The following ENO3 variants were observed in gnomAD, a reference collection of about 807,000 sequenced individuals.
ENO3 encodes the protein beta-enolase.
In ENO3, 46 loss-of-function variants were observed where a neutral mutation model predicts 47.7. The ratio of observed to expected loss-of-function variants is 0.96; its 90% confidence interval spans 0.76 to 1.23. ENO3 has a LOEUF of 1.23. Ranked by LOEUF, ENO3 falls within the 50% of genes most tolerant of loss-of-function variation. The pLI, the probability that ENO3 is intolerant of heterozygous loss-of-function variation, is 0.00. For synonymous variants in ENO3, 223 were observed against 225.9 expected (o/e 0.99, Z 0.11); for missense variants, 575 against 566.2 (o/e 1.02, Z -0.16).
intron 11 of ENO3, 29 bp downstream of exon 11, chr17:4,956,918 T>C: frequency 1.2e-6 from 2 of 1,614,180 alleles, no homozygotes; most frequent in East Asian, 2.2e-5. Flanking sequence ...GCCTGGGCAT[T>C]GGGGTGCTGG....
chr17:4,955,886 G>A (rs940802565), intron 8 of ENO3, 56 bp from the exon 9 acceptor site: 1 of 1,442,034 alleles, frequency 6.9e-7, no homozygotes, highest in African/African-American at 1.4e-5. Context: ...TCTCTGCCCT[G>A]TCTCTGCCCT....
chr17:4,955,408 C>A lies in ENO3; in HGVS notation c.669C>A (p.Ala223=). The A allele has an allele frequency of 5.0e-6, 8 of 1,614,214 alleles. No individual in the cohort carries two copies. Among genetic ancestry groups the A allele is most frequent in the Non-Finnish European group, 6.8e-6 (8 of 1,180,022 alleles). Reference sequence around the variant, plus strand: ...GGTCCTTTCTTGGTCCTCCCCCAGCCCTGGAGCTGCTGAAGACGGCCATCC... The same window carrying A: ...GGTCCTTTCTTGGTCCTCCCCCAGCACTGGAGCTGCTGAAGACGGCCATCC... ...FAPNILENNE[A]LELLKTAIQA... is the part of the protein sequence containing the mutation. The change falls in exon 8 of 12, where the codon GCC becomes GCA. Residue 223 remains alanine, a splice_region_variant and synonymous_variant. Transcript: ENST00000519602.
At position 4,956,844 on chromosome 17, in the gene ENO3, C is replaced by T. The variant is rs1971753922; in HGVS notation, c.1190C>T (p.Ala397Val). ...GLCTGQIKTG[A>V]PCRSERLAKY... ...TTCCCTCATCAGATCAAGACTGGCG[C>T]CCCCTGCCGCTCGGAGCGTCTGGCC... The change falls in exon 11 of 12, where the codon GCC becomes GTC. Residue 397 changes from alanine to valine, a missense_variant. Coordinates refer to ENST00000519602, the MANE Select transcript of ENO3 (RefSeq NM_053013.4). The T allele has an allele frequency of 1.9e-6, 3 of 1,614,172 alleles. No individual in the cohort carries two copies. Among genetic ancestry groups the T allele is most frequent in the Non-Finnish European group, 2.5e-6 (3 of 1,180,010 alleles).
Position 4,953,038 on chromosome 17 carries a change from C to G in ENO3, c.182-13C>G. 1 of 1,614,224 alleles carries G rather than the reference C, an allele frequency of 6.2e-7. No individual in the cohort carries two copies. Among genetic ancestry groups the G allele is most frequent in the Non-Finnish European group, 8.5e-7 (1 of 1,180,032 alleles). The stretch of plus-strand genomic sequence containing the variant: ...TTGATTGAGCTCCAAAACTCATCCT[C>G]TGGCCTGTCTAGGAGTCCTGAAGGC... On this transcript the variant is annotated splice_polypyrimidine_tract_variant and intron_variant, in intron 3 of 11. Coordinates refer to ENST00000519602, the MANE Select transcript of ENO3 (RefSeq NM_053013.4).
At chr17:4,949,445 A>G (rs1402226319), upstream of ENO3, among the ~76,000 whole-genome samples, 2 of 152,180 alleles carry the variant, frequency 1.3e-5, no homozygotes, top group Non-Finnish European at 2.9e-5. Context: ...GTGTCTGCAG[A>G]GGTCACAGAG....
intron 6 of ENO3, 138 bp from the exon 7 acceptor site, chr17:4,954,937 C>G (rs1260830788): frequency 3.1e-6 from 2 of 648,832 alleles, no homozygotes; most frequent in Non-Finnish European, 5.2e-6. Flanking sequence ...GAAAGAGGCT[C>G]TTGAGCAAAA....
At chr17:4,952,048 C>G in intron 2 of ENO3, 134 bp downstream of exon 2, 1 of 957,808 alleles carries the variant, frequency 1.0e-6, no homozygotes, top group Non-Finnish European at 1.6e-6. Flanking sequence ...CCCCCTTCTT[C>G]CAACGTGGAA....
chr17:4,954,717 A>G (rs1159651553), intron 6 of ENO3, among the ~76,000 whole-genome samples: 3 of 152,164 alleles, frequency 2.0e-5, no homozygotes, highest in East Asian at 3.9e-4. Flanking sequence ...GTTCGAGACC[A>G]GCCTGACCAA....
chr17:4,953,009 C>G (rs1418084579), intron 3 of ENO3, 42 bp from the exon 4 acceptor site: 3 of 1,613,478 alleles, frequency 1.9e-6, no homozygotes, highest in Non-Finnish European at 2.5e-6. Flanking sequence ...AGAAAGGGGC[C>G]CAGTTGATTG....
intron 5 of ENO3, 70 bp downstream of exon 5, chr17:4,953,411 C>T (rs1971614155): frequency 6.3e-7 from 1 of 1,596,674 alleles, no homozygotes; most frequent in Non-Finnish European, 8.6e-7. Flanking sequence ...TGGGGTGAGG[C>T]CTGATGGGTT....
chr17:4,950,062 G>A (rs1214031073), upstream of ENO3: 2 of 151,856 alleles, frequency 1.3e-5, no homozygotes, highest in African/African-American at 2.4e-5. Context: ...AGGCCGCGCG[G>A]GCCGGCGGGG....
In ENO3 at chr17:4,955,253, G is replaced by T. The variant is rs370156864; in HGVS notation, c.623G>T (p.Gly208Val). 3.7e-6 allele frequency: 6 copies of T among 1,614,262 alleles called. No individual in the cohort carries two copies. The change falls in exon 7 of 12, where the codon GGT (glycine) becomes GTT (valine). Residue 208 changes from glycine to valine, a missense_variant. Physicochemically the swap from Gly to Val is moderately radical, Grantham distance 109. Coordinates refer to ENST00000519602, the MANE Select transcript of ENO3 (RefSeq NM_053013.4). The stretch of plus-strand genomic sequence containing the variant: ...TATGGGAAGGATGCCACCAATGTGG[G>T]TGATGAAGGTGGCTTCGCACCCAAC... ...AKYGKDATNV[G>V]DEGGFAPNIL...
intron 8 of ENO3, 121 bp from the exon 9 acceptor site, chr17:4,955,821 T>C: frequency 1.2e-6 from 1 of 864,610 alleles, no homozygotes; most frequent in East Asian, 2.7e-5. Flanking sequence ...CTCTGCCCTG[T>C]CTCTGCTCTG....
chr17:4,951,819 G>C lies in ENO3; in HGVS notation c.-2-9G>C, dbSNP rs1057523818. 1 of 1,613,958 alleles carries C rather than the reference G, an allele frequency of 6.2e-7. No individual in the cohort carries two copies. The highest frequency in any genetic ancestry group is 8.5e-7 in the Non-Finnish European group (1 of 1,179,864). On this transcript the variant is annotated splice_polypyrimidine_tract_variant and intron_variant, in intron 1 of 11. Transcript: ENST00000519602. The stretch of plus-strand genomic sequence containing the variant: ...CTGTCTACACTCACTCACACCTCCT[G>C]TCCTGCAGCCATGGCCATGCAGAAA...
chr17:4,949,611 AGGGCGGGAC>A (rs528614399), upstream of ENO3, among the ~76,000 whole-genome samples: 43 of 121,240 alleles, frequency 3.5e-4, no homozygotes, highest in Admixed American at 2.1e-3. Flanking sequence ...CCACCTGGGG[AGGGCGGGAC>A]GGGCGGGACG....
At chr17:4,951,573 G>A in intron 1 of ENO3, 1 of 488,328 alleles carries the variant, frequency 2.0e-6, no homozygotes, top group South Asian at 2.0e-5. Context: ...GGGGAGGTGG[G>A]GGCTTGGTGA....
rs577389766 is a variant in ENO3, at chr17:4,956,881, A to C, written c.1227A>C (p.Gln409His). 6.2e-7 allele frequency: 1 copy of C among 1,613,704 alleles called. No homozygotes were observed. Among genetic ancestry groups the C allele is most frequent in the African/African-American group, 1.3e-5 (1 of 74,780 alleles). The change falls in exon 11 of 12, where the codon CAA (glutamine) becomes CAC (histidine). Residue 409 changes from glutamine to histidine, a missense_variant. Gln to His is a conservative substitution (Grantham distance 24). Transcript: ENST00000519602. ...CRSERLAKYN[Q>H]LMRIEEALGD... ...CGGAGCGTCTGGCCAAATACAACCA[A>C]CTCATGAGGTACAGCGGGAACAGTG...
At position 4,953,858 on chromosome 17, in the gene ENO3, AC is replaced by A. The variant is rs752031280; in HGVS notation, c.444+16del. 7.4e-6 allele frequency: 12 copies of A among 1,613,732 alleles called. No homozygotes were observed. The highest frequency in any genetic ancestry group is 1.0e-5 in the Non-Finnish European group (12 of 1,179,950). ...ACTCCCAGTGCCAGTGAGTGCAGCT[AC>A]CCGCCCTTCCCAGATCTCGCCTGGA... On this transcript the variant is annotated intron_variant, in intron 6 of 11. Coordinates refer to ENST00000519602, the MANE Select transcript of ENO3 (RefSeq NM_053013.4).
chr17:4,956,576 C>G lies in ENO3; in HGVS notation c.1071C>G (p.Cys357Trp), dbSNP rs751261485. ...ATCAAATGTCCTCTCCACTCAGGTG[C>G]AAACTGGCTCAGTCTAATGGCTGGG... Reference protein sequence around the residue: ...IGSVTESIQACKLAQSNGWGV... With the variant: ...IGSVTESIQAWKLAQSNGWGV... The change falls in exon 10 of 12, where the codon TGC becomes TGG. Residue 357 changes from cysteine to tryptophan, a missense_variant. By Grantham distance (215) the Cys-to-Trp change is radical. Coordinates refer to ENST00000519602, the MANE Select transcript of ENO3 (RefSeq NM_053013.4). The G allele has an allele frequency of 6.2e-7, 1 of 1,614,218 alleles. No homozygotes were observed. Among genetic ancestry groups the G allele is most frequent in the East Asian group, 2.2e-5 (1 of 44,876 alleles).
Sources: allele counts gnomAD v4.1 joint callset (sites outside exome capture counted in the v4.1 genomes callset), GRCh38; gene constraint gnomAD v4.1.1; transcripts MANE v1.5; gene names NCBI Gene and HGNC (gene_info 2026-07-23, HGNC 2026-07-21).